FHOD3: variants seen among roughly 807,000 people sequenced by gnomAD.
FHOD3 encodes the protein FH1/FH2 domain-containing protein 3.
FHOD3 carries 90 observed loss-of-function variants against 173.0 expected under a neutral mutation model. The observed-to-expected ratio is 0.52, with a 90% CI of 0.44 to 0.62. The LOEUF (loss-of-function observed/expected upper bound fraction) is 0.62, where lower values mean the gene tolerates loss of function less well. Ranked by LOEUF, FHOD3 falls within the 20% of genes least tolerant of loss-of-function variation. The pLI is 0.00. For synonymous variants in FHOD3, 828 were observed against 823.0 expected (o/e 1.01, Z -0.10); for missense variants, 1,945 against 2,034.7 (o/e 0.96, Z 0.85).
At chr18:36,617,605 G>T (rs2033323588) in intron 9 of FHOD3, among the ~76,000 whole-genome samples, 1 of 125,514 alleles carries the variant, frequency 8.0e-6, no homozygotes. Context: ...GTGTGTGTGT[G>T]TGTGTGTGTG....
intron 4 of FHOD3, among the ~76,000 whole-genome samples, chr18:36,508,492 A>C (rs1160321015): frequency 2.6e-5 from 4 of 152,176 alleles, no homozygotes; most frequent in Non-Finnish European, 5.9e-5. Flanking sequence ...TTATTTCCAA[A>C]AGAACTCAGA....
At chr18:36,429,276 T>TA (rs1455404441) in intron 3 of FHOD3, among the ~76,000 whole-genome samples, 1 of 152,236 alleles carries the variant, frequency 6.6e-6, no homozygotes, top group Non-Finnish European at 1.5e-5. Flanking sequence ...GATGGAGTGA[T>TA]ACCTTGTATA....
At chr18:36,573,809 G>GT in intron 5 of FHOD3, among the ~76,000 whole-genome samples, 1 of 152,084 alleles carries the variant, frequency 6.6e-6, no homozygotes, top group Non-Finnish European at 1.5e-5. Flanking sequence ...TATTATTTTG[G>GT]TATATTAAAT....
intron 17 of FHOD3, among the ~76,000 whole-genome samples, chr18:36,705,553 T>C (rs747540457): frequency 3.9e-4 from 59 of 152,214 alleles, no homozygotes; most frequent in Non-Finnish European, 4.7e-4. Flanking sequence ...CTGTGCCCAC[T>C]GGTGGCAGAG....
intron 3 of FHOD3, among the ~76,000 whole-genome samples, chr18:36,377,363 C>G (rs2047494293): frequency 1.3e-5 from 2 of 152,136 alleles, no homozygotes; most frequent in Admixed American, 1.3e-4. Context: ...GCCCTCCTGG[C>G]TTGCAGGGAG....
chr18:36,407,611 TTTGAA>T (rs1299881923), intron 3 of FHOD3, among the ~76,000 whole-genome samples: 1 of 152,312 alleles, frequency 6.6e-6, no homozygotes, highest in African/African-American at 2.4e-5. Context: ...GGAGTAAGAA[TTTGAA>T]TTGAAGTTTG....
intron 19 of FHOD3, among the ~76,000 whole-genome samples, chr18:36,725,641 A>G (rs540462740): frequency 6.6e-6 from 1 of 152,244 alleles, no homozygotes; most frequent in Admixed American, 6.5e-5. Context: ...ACACTTGGCC[A>G]TTCCCACATC....
At chr18:36,456,455 A>G (rs1240612127) in intron 3 of FHOD3, among the ~76,000 whole-genome samples, 1 of 152,206 alleles carries the variant, frequency 6.6e-6, no homozygotes, top group South Asian at 2.1e-4. Flanking sequence ...ATTGTAATAG[A>G]TTAGAAGATT....
At chr18:36,438,467 C>A (rs1418172164) in intron 3 of FHOD3, among the ~76,000 whole-genome samples, 2 of 152,200 alleles carry the variant, frequency 1.3e-5, no homozygotes, top group African/African-American at 2.4e-5. Context: ...GCTTCTCTGG[C>A]TGTGGCTTCA....
chr18:36,566,414 G>A (rs2058266329), intron 5 of FHOD3, among the ~76,000 whole-genome samples: 1 of 152,164 alleles, frequency 6.6e-6, no homozygotes, highest in Non-Finnish European at 1.5e-5. Flanking sequence ...TTAACTTACA[G>A]AAAATTGATA....
chr18:36,495,802 G>T (rs2054715478), intron 3 of FHOD3, among the ~76,000 whole-genome samples: 1 of 152,218 alleles, frequency 6.6e-6, no homozygotes, highest in African/African-American at 2.4e-5. Flanking sequence ...AGCACAGCCT[G>T]CAGAGTAGAG....
At chr18:36,386,683 G>A (rs941862433) in intron 3 of FHOD3, among the ~76,000 whole-genome samples, 1 of 152,192 alleles carries the variant, frequency 6.6e-6, no homozygotes, top group African/African-American at 2.4e-5. Context: ...GCACTGCTGT[G>A]GTGGAGATAC....
chr18:36,620,514 C>A (rs569398929), intron 9 of FHOD3, among the ~76,000 whole-genome samples: 1 of 152,216 alleles, frequency 6.6e-6, no homozygotes, highest in Non-Finnish European at 1.5e-5. Context: ...TCAGAATGTG[C>A]GACCTGTTTC....
intron 1 of FHOD3, among the ~76,000 whole-genome samples, chr18:36,349,242 T>C (rs529611485): frequency 2.6e-5 from 4 of 152,164 alleles, no homozygotes; most frequent in African/African-American, 4.8e-5. Context: ...CATCTTCAGA[T>C]AGAGGCAGAG....
chr18:36,773,705 CTGCCTGAAGG>C (rs910781323), intron 28 of FHOD3, among the ~76,000 whole-genome samples: 11 of 152,128 alleles, frequency 7.2e-5, no homozygotes, highest in African/African-American at 2.4e-4. Context: ...GAATTCGTTG[CTGCCTGAAGG>C]TGCTTAGGGT....
At chr18:36,589,238 G>A (rs970871981) in intron 6 of FHOD3, among the ~76,000 whole-genome samples, 4 of 152,178 alleles carry the variant, frequency 2.6e-5, no homozygotes, top group African/African-American at 9.7e-5. Context: ...GTTATATACT[G>A]TGATTTAGCT....
chr18:36,374,454 A>G (rs796880686), intron 3 of FHOD3, among the ~76,000 whole-genome samples: 8 of 152,350 alleles, frequency 5.3e-5, no homozygotes, highest in African/African-American at 1.9e-4. Flanking sequence ...AATAGTACCA[A>G]ATATTTCATA....
chr18:36,379,827 T>C (rs1379186113), intron 3 of FHOD3, among the ~76,000 whole-genome samples: 1 of 152,206 alleles, frequency 6.6e-6, no homozygotes, highest in Non-Finnish European at 1.5e-5. Context: ...GCTGTCCCCA[T>C]GAAGAGACAA....
intron 10 of FHOD3, among the ~76,000 whole-genome samples, chr18:36,643,616 G>A (rs1263828935): frequency 6.6e-6 from 1 of 151,998 alleles, no homozygotes; most frequent in Non-Finnish European, 1.5e-5. Flanking sequence ...TCATCACTTG[G>A]TATCATTAGA....
Sources: allele counts gnomAD v4.1 joint callset (sites outside exome capture counted in the v4.1 genomes callset), GRCh38; gene constraint gnomAD v4.1.1; transcripts MANE v1.5; gene names NCBI Gene and HGNC (gene_info 2026-07-23, HGNC 2026-07-21).